The following GRB14 variants were observed in gnomAD, a reference collection of about 807,000 sequenced individuals.
GRB14 encodes growth factor receptor-bound protein 14.
GRB14 carries 38 observed loss-of-function variants against 69.1 expected under a neutral mutation model. The ratio of observed to expected loss-of-function variants is 0.55; its 90% confidence interval spans 0.42 to 0.72. The LOEUF (loss-of-function observed/expected upper bound fraction) is 0.72, where lower values mean the gene tolerates loss of function less well. Ranked by LOEUF, GRB14 falls within the 30% of genes least tolerant of loss-of-function variation. GRB14 has a pLI of 0.00. For synonymous variants in GRB14, 247 were observed against 241.3 expected, an observed-to-expected ratio of 1.02 and a Z score of -0.22; for missense variants, 666 against 666.1, an observed-to-expected ratio of 1.00 and a Z score of 0.00.
chr2:164,616,409 G>A (rs1690297088), intron 2 of GRB14, among the ~76,000 whole-genome samples: 2 of 117,700 alleles, frequency 1.7e-5, no homozygotes, highest in Non-Finnish European at 3.2e-5. Context: ...CTGGGCGACA[G>A]AGCGAGACTC....
chr2:164,612,774 G>A (rs956476825), intron 2 of GRB14, among the ~76,000 whole-genome samples: 2 of 151,936 alleles, frequency 1.3e-5, no homozygotes, highest in African/African-American at 4.8e-5. Context: ...ATGCCCCAGG[G>A]AAAAACAAAC....
chr2:164,535,247 A>C (rs892673929), intron 3 of GRB14, among the ~76,000 whole-genome samples: 1 of 152,194 alleles, frequency 6.6e-6, no homozygotes, highest in African/African-American at 2.4e-5. Flanking sequence ...TGATAACTAC[A>C]TGTAATTCTG....
intron 2 of GRB14, among the ~76,000 whole-genome samples, chr2:164,549,736 T>C (rs1559046282): frequency 6.6e-6 from 1 of 151,932 alleles, no homozygotes; most frequent in Non-Finnish European, 1.5e-5. Context: ...TGGTGGTACA[T>C]GCCTGTAATT....
chr2:164,567,174 A>C (rs1688996143), intron 2 of GRB14, among the ~76,000 whole-genome samples: 1 of 152,188 alleles, frequency 6.6e-6, no homozygotes, highest in African/African-American at 2.4e-5. Flanking sequence ...TTTTTAATTA[A>C]ATTTGCTTAC....
intron 2 of GRB14, chr2:164,568,365 C>T (rs1349565343): frequency 7.8e-7 from 1 of 1,288,368 alleles, no homozygotes; most frequent in South Asian, 1.2e-5. Flanking sequence ...ACTCTTCTTG[C>T]ACTCAAACTC....
rs879364438 is a variant in GRB14 at position 164,574,938 on chromosome 2, GA to G, written c.325-27123del. Among the ~76,000 whole-genome samples, 804 of 116,060 alleles carry G rather than the reference GA, an allele frequency of 6.9e-3. 3 individuals carry two copies. Among genetic ancestry groups the G allele is most frequent in the South Asian group, 0.032 (116 of 3,596 alleles). The allele number at this position is 116,060 out of a possible 152,430, so 76.1% of individuals were successfully genotyped here. A position where few individuals can be genotyped will look rare whatever the true frequency, so the allele number is the denominator to read the frequency against. The stretch of plus-strand genomic sequence containing the variant: ...GAGGGAGACCCTATCTCAAAATGAA[GA>G]AAAAAAAAAAAAACTCAGTGAAAGT... On this transcript the variant is annotated intron_variant, in intron 2 of 13. Coordinates refer to ENST00000263915, the MANE Select transcript of GRB14 (RefSeq NM_004490.3).
At chr2:164,552,319 G>A (rs1278036411) in intron 2 of GRB14, among the ~76,000 whole-genome samples, 2 of 152,022 alleles carry the variant, frequency 1.3e-5, no homozygotes, top group Admixed American at 1.3e-4. Flanking sequence ...CCTACCCCAG[G>A]GTGATACATG....
At chr2:164,556,997 C>T (rs966018258) in intron 2 of GRB14, among the ~76,000 whole-genome samples, 17 of 152,128 alleles carry the variant, frequency 1.1e-4, no homozygotes, top group Admixed American at 9.8e-4. Context: ...GGAGAAAAGA[C>T]ACATGTGAAC....
At chr2:164,578,346 T>C (rs1689303773) in intron 2 of GRB14, among the ~76,000 whole-genome samples, 1 of 152,162 alleles carries the variant, frequency 6.6e-6, no homozygotes, top group African/African-American at 2.4e-5. Flanking sequence ...TTTAATGCTA[T>C]AGAAGACTCC....
chr2:164,535,574 A>C (rs1352839262), intron 3 of GRB14, among the ~76,000 whole-genome samples: 1 of 152,228 alleles, frequency 6.6e-6, no homozygotes, highest in African/African-American at 2.4e-5. Context: ...TTTTTACAGG[A>C]AACTCCAGGA....
intron 6 of GRB14, among the ~76,000 whole-genome samples, chr2:164,510,728 GC>G (rs1687317887): frequency 6.6e-6 from 1 of 152,118 alleles, no homozygotes; most frequent in Non-Finnish European, 1.5e-5. Flanking sequence ...TTAGAAGGGA[GC>G]CCACTACCAT....
chr2:164,566,039 T>C (rs1688964800), intron 2 of GRB14, among the ~76,000 whole-genome samples: 1 of 152,146 alleles, frequency 6.6e-6, no homozygotes. Flanking sequence ...ATTTGATAAA[T>C]TATTTGTCAA....
chr2:164,526,867 G>A lies in GRB14; in HGVS notation c.603+147C>T, dbSNP rs1687786210. ...TGTTCACTAATCATTGTTAGCATAA[G>A]AAATATGGGTATAATTTCAAAGGAC... On this transcript the variant is annotated intron_variant, in intron 4 of 13. Transcript: ENST00000263915. The A allele has an allele frequency of 1.0e-5, 4 of 388,696 alleles. No individual in the cohort carries two copies. The South Asian group carries it at 2.1e-4, about 20-fold the overall frequency. 24.1% of individuals were successfully genotyped at this position (388,696 alleles called of 1,614,324 possible). A position where few individuals can be genotyped will look rare whatever the true frequency, so the allele number is the denominator to read the frequency against.
At chr2:164,508,623 T>A in intron 7 of GRB14, 73 bp from the exon 8 acceptor site, 1 of 1,482,888 alleles carries the variant, frequency 6.7e-7, no homozygotes, top group Non-Finnish European at 9.4e-7. Context: ...TAAAAGCCAC[T>A]AAAATTCTCC....
At chr2:164,592,426 G>A (rs1689688082) in intron 2 of GRB14, among the ~76,000 whole-genome samples, 1 of 152,270 alleles carries the variant, frequency 6.6e-6, no homozygotes, top group South Asian at 2.1e-4. Flanking sequence ...GAGCCACCAT[G>A]CCCAGCGAGT....
At chr2:164,507,217 T>C (rs1017215150) in intron 8 of GRB14, among the ~76,000 whole-genome samples, 4 of 152,094 alleles carry the variant, frequency 2.6e-5, no homozygotes, top group Non-Finnish European at 5.9e-5. Flanking sequence ...AGTTGGATGC[T>C]AGGAAAAAGT....
At chr2:164,570,972 T>C (rs1574320594) in intron 2 of GRB14, among the ~76,000 whole-genome samples, 1 of 152,216 alleles carries the variant, frequency 6.6e-6, no homozygotes, top group Non-Finnish European at 1.5e-5. Context: ...AAATTTGGCA[T>C]TTTGTGACTA....
chr2:164,537,759 T>C (rs1688115740), intron 3 of GRB14, among the ~76,000 whole-genome samples: 3 of 152,184 alleles, frequency 2.0e-5, no homozygotes, highest in Admixed American at 1.3e-4. Flanking sequence ...GCTAGTTACA[T>C]ATTGCCCATT....
At chr2:164,601,580 A>G (rs1264323920) in intron 2 of GRB14, among the ~76,000 whole-genome samples, 2 of 152,196 alleles carry the variant, frequency 1.3e-5, no homozygotes, top group Non-Finnish European at 2.9e-5. Flanking sequence ...CATAATCTGT[A>G]TATTTAACCC....
Sources: gnomAD v4.1 joint callset for allele counts (sites outside exome capture counted in the v4.1 genomes callset) on GRCh38, gnomAD v4.1.1 for gene constraint, MANE v1.5 for transcripts, NCBI Gene and HGNC (gene_info 2026-07-23, HGNC 2026-07-21) for gene names.